The following BCL2L15 variants were observed in gnomAD, a reference collection of about 807,000 sequenced individuals.
The protein encoded by BCL2L15 is BCL2 like 15.
In BCL2L15, 15 loss-of-function variants were observed where a neutral mutation model predicts 18.3. That is an observed-to-expected ratio of 0.82 (90% confidence interval 0.55 to 1.26). The LOEUF (loss-of-function observed/expected upper bound fraction) is 1.26, where lower values mean the gene tolerates loss of function less well. Ranked by LOEUF, BCL2L15 falls within the 50% of genes most tolerant of loss-of-function variation. BCL2L15 has a pLI of 0.00. For missense variants in BCL2L15, 180 were observed against 201.7 expected, an observed-to-expected ratio of 0.89 and a Z score of 0.65; for synonymous variants, 58 against 68.5, an observed-to-expected ratio of 0.85 and a Z score of 0.76.
rs1667069604 is a variant in BCL2L15 at position 113,887,349 on chromosome 1, T to C, written c.27A>G (p.Glu9=). The C allele has an allele frequency of 1.2e-6, 2 of 1,614,208 alleles. No individual in the cohort carries two copies. Among genetic ancestry groups the C allele is most frequent in the South Asian group, 1.1e-5 (1 of 91,088 alleles). Residue 9 remains glutamate, a synonymous_variant, in exon 1 of 4, where the codon GAA becomes GAG. Coordinates refer to ENST00000393316, the MANE Select transcript of BCL2L15 (RefSeq NM_001010922.3). MKSSQTFE[E]QTECIVNTLL... ...GAGTGTTCACAATGCATTCCGTTTG[T>C]TCCTCAAAAGTTTGGGAGCTCTTCA... is the stretch of plus-strand genomic sequence containing the variant.
chr1:113,886,013 G>T (rs1158992673), intron 2 of BCL2L15, among the ~76,000 whole-genome samples: 1 of 151,638 alleles, frequency 6.6e-6, no homozygotes, highest in Non-Finnish European at 1.5e-5. Context: ...TTCAAGACCA[G>T]CCCGGGCAAC....
intron 2 of BCL2L15, among the ~76,000 whole-genome samples, chr1:113,884,564 T>C (rs1439240475): frequency 1.3e-5 from 2 of 152,176 alleles, no homozygotes; most frequent in African/African-American, 4.8e-5. Flanking sequence ...CTGGTTTTGA[T>C]GGTTAGATTG....
chr1:113,882,995 G>A (rs886972986), intron 2 of BCL2L15, among the ~76,000 whole-genome samples: 2 of 152,096 alleles, frequency 1.3e-5, no homozygotes, highest in Non-Finnish European at 2.9e-5. Flanking sequence ...TAAAATAATT[G>A]AGTAGCTCTT....
chr1:113,884,112 T>C (rs1261868277), intron 2 of BCL2L15, among the ~76,000 whole-genome samples: 1 of 152,184 alleles, frequency 6.6e-6, no homozygotes, highest in Non-Finnish European at 1.5e-5. Context: ...AAAACACTTA[T>C]TAATTACAAA....
In BCL2L15 at chr1:113,880,738, T is replaced by C. The variant is rs1666856682; in HGVS notation, c.*385A>G. Reference sequence around the variant, plus strand: ...CAGGGCTACATCTGAAGAAATAGTTTCCATTGTTCTCCCTTTCTCTCAAAA... The same window carrying C: ...CAGGGCTACATCTGAAGAAATAGTTCCCATTGTTCTCCCTTTCTCTCAAAA... On this transcript the variant is annotated 3_prime_UTR_variant, in exon 4 of 4. Transcript: ENST00000393316. 2 of 192,756 alleles carry C rather than the reference T, an allele frequency of 1.0e-5. No homozygotes were observed. The highest frequency in any genetic ancestry group is 2.1e-5 in the Non-Finnish European group (2 of 94,560). The allele number at this position is 192,756 out of a possible 1,614,324, so 11.9% of individuals were successfully genotyped here. A position where few individuals can be genotyped will look rare whatever the true frequency, so the allele number is the denominator to read the frequency against.
chr1:113,881,542 A>G (rs1666878788), intron 3 of BCL2L15: 1 of 1,391,716 alleles, frequency 7.2e-7, no homozygotes, highest in African/African-American at 1.4e-5. Flanking sequence ...GCTTTACAGT[A>G]GTCAGCAGTC....
At position 113,877,930 on chromosome 1, in the gene BCL2L15, A is replaced by G. The variant is rs1666767271; in HGVS notation, c.*3193T>C. Reference sequence around the variant, plus strand: ...CAAACAGGGAGAGTATGGGGATAAGAAAGGTACACATAAATAAATAATAAG... The same window carrying G: ...CAAACAGGGAGAGTATGGGGATAAGGAAGGTACACATAAATAAATAATAAG... On this transcript the variant is annotated 3_prime_UTR_variant, in exon 4 of 4. Coordinates refer to ENST00000393316, the MANE Select transcript of BCL2L15 (RefSeq NM_001010922.3). Among the ~76,000 whole-genome samples the G allele has an allele frequency of 2.6e-5, 4 of 152,240 alleles. No individual in the cohort carries two copies. Among genetic ancestry groups the G allele is most frequent in the Admixed American group, 2.6e-4 (4 of 15,278 alleles).
rs763257123 is a variant in BCL2L15, at chr1:113,881,773, C to T, written c.474G>A (p.Trp158Ter). The T allele has an allele frequency of 6.2e-7, 1 of 1,612,814 alleles. No homozygotes were observed. Among genetic ancestry groups the T allele is most frequent in the Non-Finnish European group, 8.5e-7 (1 of 1,179,014 alleles). ...AAACCAGGAGCCCCAACAAACTTAC[C>T]CAACCTCCCTGGCCCTGGATGAACT... is the stretch of plus-strand genomic sequence containing the variant. ...IREFIQGQGG[W>*]ENLES The change falls in exon 3 of 4, where the codon TGG becomes TGA. Residue 158 changes from tryptophan to a stop codon, truncating the protein, a stop_gained and splice_region_variant. Transcript: ENST00000393316. LOFTEE classifies it high-confidence loss of function.
At chr1:113,881,455 G>A (rs2296176) in intron 3 of BCL2L15, 237,792 of 1,339,912 alleles carry the variant, frequency 0.18, 21,863 homozygotes, top group Non-Finnish European at 0.19. Context: ...ACAAAGGAAC[G>A]GAGTGAAGCC....
Position 113,880,852 on chromosome 1 carries a change from C to G in BCL2L15, c.*271G>C. ...TCTAGGGGTCTTTGCTTCAACAGAA[C>G]CTCATTAAAACTCATGTGAAAACAG... On this transcript the variant is annotated 3_prime_UTR_variant, in exon 4 of 4. Transcript: ENST00000393316. 7.9e-6 allele frequency: 4 copies of G among 503,814 alleles called. No individual in the cohort carries two copies. In the South Asian group the frequency reaches 9.8e-5, roughly 12 times the overall value. The allele number at this position is 503,814 out of a possible 1,614,324, so 31.2% of individuals were successfully genotyped here. A position where few individuals can be genotyped will look rare whatever the true frequency, so the allele number is the denominator to read the frequency against.
chr1:113,877,322 GTTT>G lies in BCL2L15; in HGVS notation c.*3798_*3800del, dbSNP rs149908888. On this transcript the variant is annotated 3_prime_UTR_variant, in exon 4 of 4. Transcript: ENST00000393316. ...GATGAACAGTAGGGAGCAGCTGAAG[GTTT>G]TTTTTTTTTTTTTAAAAAAAACAAC... Among the ~76,000 whole-genome samples the G allele has an allele frequency of 2.8e-5, 4 of 142,896 alleles. No homozygotes were observed. Among genetic ancestry groups the G allele is most frequent in the African/African-American group, 5.2e-5 (2 of 38,808 alleles). The allele number at this position is 142,896 out of a possible 152,430, so 93.7% of individuals were successfully genotyped here. A position where few individuals can be genotyped will look rare whatever the true frequency, so the allele number is the denominator to read the frequency against.
In BCL2L15 at chr1:113,878,191, T is replaced by G. The variant is rs1666772426; in HGVS notation, c.*2932A>C. On this transcript the variant is annotated 3_prime_UTR_variant, in exon 4 of 4. Coordinates refer to ENST00000393316, the MANE Select transcript of BCL2L15 (RefSeq NM_001010922.3). ...CCTTTACAAAATGTATTTGTTTTAT[T>G]TATCTCTCACAAAAATCTTATTAAT... The G allele has an allele frequency of 6.6e-6, 1 of 152,232 alleles. No homozygotes were observed. The highest frequency in any genetic ancestry group is 2.1e-4 in the South Asian group (1 of 4,830). The allele number at this position is 152,232 out of a possible 1,614,324, so 9.4% of individuals were successfully genotyped here.
At chr1:113,883,738 C>T (rs1406118384) in intron 2 of BCL2L15, among the ~76,000 whole-genome samples, 2 of 151,998 alleles carry the variant, frequency 1.3e-5, no homozygotes, top group African/African-American at 4.8e-5. Context: ...GAGCGGAGAT[C>T]GTGCCACTGC....
In BCL2L15 at chr1:113,880,552, G is replaced by A. The variant is rs1006233306; in HGVS notation, c.*571C>T. On this transcript the variant is annotated 3_prime_UTR_variant, in exon 4 of 4. Transcript: ENST00000393316. ...GAGGCAGGAGAATGGAGTGAAACCGGGAGGTGGAGCTTGCAGTGAGCTGAG... is the reference window on the plus strand; with the variant it reads ...GAGGCAGGAGAATGGAGTGAAACCGAGAGGTGGAGCTTGCAGTGAGCTGAG... 3.3e-5 allele frequency: 5 copies of A among 152,448 alleles called. No homozygotes were observed. Among genetic ancestry groups the A allele is most frequent in the African/African-American group, 1.2e-4 (5 of 41,394 alleles). 9.4% of individuals were successfully genotyped at this position (152,448 alleles called of 1,614,324 possible). A position where few individuals can be genotyped will look rare whatever the true frequency, so the allele number is the denominator to read the frequency against.
rs1343990792 is a variant in BCL2L15, at chr1:113,880,476, A to C, written c.*647T>G. ...CTCATCTCTACTAAAAATACAAAAAATTAGCCGGGCGTGATGGCGGGCTCC... is the reference window on the plus strand; with the variant it reads ...CTCATCTCTACTAAAAATACAAAAACTTAGCCGGGCGTGATGGCGGGCTCC... On this transcript the variant is annotated 3_prime_UTR_variant, in exon 4 of 4. Transcript: ENST00000393316. 2.6e-5 allele frequency: 4 copies of C among 152,264 alleles called. No homozygotes were observed. The highest frequency in any genetic ancestry group is 5.9e-5 in the Non-Finnish European group (4 of 68,126). 9.4% of individuals were successfully genotyped at this position (152,264 alleles called of 1,614,324 possible). A position where few individuals can be genotyped will look rare whatever the true frequency, so the allele number is the denominator to read the frequency against.
At chr1:113,884,814 G>T (rs963945395) in intron 2 of BCL2L15, among the ~76,000 whole-genome samples, 1 of 150,384 alleles carries the variant, frequency 6.6e-6, no homozygotes, top group African/African-American at 2.5e-5. Context: ...TTGCTCTGTC[G>T]CCCAGATTGG....
At chr1:113,883,820 T>G (rs1666956301) in intron 2 of BCL2L15, among the ~76,000 whole-genome samples, 1 of 152,008 alleles carries the variant, frequency 6.6e-6, no homozygotes, top group East Asian at 1.9e-4. Flanking sequence ...TGGAGAATGG[T>G]TGATTTCAGT....
intron 2 of BCL2L15, among the ~76,000 whole-genome samples, chr1:113,884,215 C>A (rs1373275404): frequency 6.6e-6 from 1 of 152,192 alleles, no homozygotes; most frequent in Non-Finnish European, 1.5e-5. Flanking sequence ...AAAATGAAAT[C>A]TTGTGCCAAT....
At chr1:113,886,893 A>C (rs2358995) in intron 1 of BCL2L15, among the ~76,000 whole-genome samples, 25,060 of 150,938 alleles carry the variant, frequency 0.17, 3,142 homozygotes, top group East Asian at 0.61. Context: ...AAAGGAAATA[A>C]ATAAAATATA....
Sources: allele counts gnomAD v4.1 joint callset (sites outside exome capture counted in the v4.1 genomes callset), GRCh38; gene constraint gnomAD v4.1.1; transcripts MANE v1.5; gene names NCBI Gene and HGNC (gene_info 2026-07-23, HGNC 2026-07-21).